Variants in PPP6R2 observed in about 807,000 individuals in gnomAD.
PPP6R2 encodes serine/threonine-protein phosphatase 6 regulatory subunit 2.
In PPP6R2, 62 loss-of-function variants were observed where a neutral mutation model predicts 100.2. That is an observed-to-expected ratio of 0.62 (90% confidence interval 0.50 to 0.76). The LOEUF (loss-of-function observed/expected upper bound fraction) is 0.76, where lower values mean the gene tolerates loss of function less well. PPP6R2 is among the 30% of genes least tolerant of loss of function. PPP6R2 has a pLI of 0.00. For synonymous variants in PPP6R2, 525 were observed against 514.7 expected (o/e 1.02, Z -0.27); for missense variants, 1,142 against 1,276.3 (o/e 0.89, Z 1.60).
At chr22:50,336,027 C>T in the PPP6R2 span, among the ~76,000 whole-genome samples, 1 of 151,578 alleles carries the variant, frequency 6.6e-6, no homozygotes, top group Non-Finnish European at 1.5e-5. Flanking sequence ...CTCTATCGTC[C>T]AGGCTGGAGT....
intron 6 of PPP6R2, 40 bp from the exon 7 acceptor site, chr22:50,418,827 C>T: frequency 2.6e-6 from 4 of 1,520,372 alleles, no homozygotes; most frequent in Non-Finnish European, 3.7e-6. Context: ...GCTGTTTCTT[C>T]TCCACACTGA....
At chr22:50,427,537 G>A (rs973998795) in intron 10 of PPP6R2, among the ~76,000 whole-genome samples, 1 of 152,110 alleles carries the variant, frequency 6.6e-6, no homozygotes, top group Non-Finnish European at 1.5e-5. Context: ...ACACAGATGT[G>A]TTCCTATGTA....
intron 2 of PPP6R2, among the ~76,000 whole-genome samples, chr22:50,372,509 A>C (rs1196891870): frequency 6.6e-6 from 1 of 151,710 alleles, no homozygotes; most frequent in Non-Finnish European, 1.5e-5. Context: ...AGATCGTGTC[A>C]CTGTACTCCA....
rs530976079 is a variant in PPP6R2, at chr22:50,433,167, G to A, written c.1400+838G>A. 3.3e-4 allele frequency among the ~76,000 whole-genome samples: 50 copies of A among 151,786 alleles called. 1 individual carries two copies. Among genetic ancestry groups the A allele is most frequent in the African/African-American group, 1.1e-3 (45 of 41,258 alleles). ...ACAGAAGTGTCCTGGAGGAGGGCAG[G>A]GGGCGCGGACACTGGGCAGGGGCCG... is the stretch of plus-strand genomic sequence containing the variant. On this transcript the variant is annotated intron_variant, in intron 12 of 23. Coordinates refer to ENST00000612753, the MANE Select transcript of PPP6R2 (RefSeq NM_001242898.2).
chr22:50,393,170 G>C (rs1465544348), intron 2 of PPP6R2, among the ~76,000 whole-genome samples: 1 of 152,196 alleles, frequency 6.6e-6, no homozygotes, highest in Non-Finnish European at 1.5e-5. Flanking sequence ...GGAGGGGCTG[G>C]ATCAGTGGTG....
chr22:50,393,366 TGCTGAG>T (rs1258276590), intron 2 of PPP6R2: 1 of 984,276 alleles, frequency 1.0e-6, no homozygotes, highest in East Asian at 1.1e-4. Context: ...GATTTTGACT[TGCTGAG>T]TTTGCTCACA....
chr22:50,342,057 G>A (rs575211180), upstream of PPP6R2, among the ~76,000 whole-genome samples: 1 of 152,048 alleles, frequency 6.6e-6, no homozygotes, highest in Non-Finnish European at 1.5e-5. Context: ...AGCACAGGAG[G>A]GGTATCAAGA....
In PPP6R2 at chr22:50,414,536, G is replaced by A. The variant is rs776629678; in HGVS notation, c.415-16G>A. The A allele has an allele frequency of 9.9e-6, 16 of 1,613,550 alleles. No individual in the cohort carries two copies. The South Asian group carries it at 1.4e-4, about 14-fold the overall frequency. On this transcript the variant is annotated splice_polypyrimidine_tract_variant and intron_variant, in intron 4 of 23. Transcript: ENST00000612753. ...AGGGTCGGCCCCGCCTGCCTCTCAG[G>A]TGTGTGTGATTTCAGGTGATTACGT...
At chr22:50,415,863 C>T (rs1205782434) in intron 5 of PPP6R2, among the ~76,000 whole-genome samples, 1 of 152,220 alleles carries the variant, frequency 6.6e-6, no homozygotes, top group Non-Finnish European at 1.5e-5. Flanking sequence ...ACATACGCAC[C>T]ATTAGGACAG....
intron 15 of PPP6R2, 26 bp from the exon 16 acceptor site, chr22:50,437,480 T>TA: frequency 1.4e-6 from 1 of 728,390 alleles, no homozygotes; most frequent in Admixed American, 1.9e-5. Flanking sequence ...TGTCTGTCCG[T>TA]CCCTCCCTCC....
chr22:50,405,808 A>G (rs1360768321), intron 3 of PPP6R2, among the ~76,000 whole-genome samples: 294 of 97,616 alleles, frequency 3.0e-3, no homozygotes, highest in African/African-American at 0.011. Flanking sequence ...AGGCCTGGAG[A>G]GAGGCGAGAG....
chr22:50,355,046 T>C (rs1390596419), intron 1 of PPP6R2, among the ~76,000 whole-genome samples: 1 of 151,624 alleles, frequency 6.6e-6, no homozygotes, highest in African/African-American at 2.4e-5. Flanking sequence ...CCTTGCTCTA[T>C]TGCCCAGGCT....
intron 9 of PPP6R2, 146 bp downstream of exon 9, chr22:50,422,526 G>A (rs2061474690): frequency 8.8e-7 from 1 of 1,135,504 alleles, no homozygotes; most frequent in Non-Finnish European, 1.2e-6. Flanking sequence ...ACCCCCACTT[G>A]AGAAGCACCG....
chr22:50,432,572 G>A (rs1163732982), intron 12 of PPP6R2, among the ~76,000 whole-genome samples: 2 of 152,202 alleles, frequency 1.3e-5, no homozygotes, highest in Non-Finnish European at 2.9e-5. Context: ...GTCCCCACCA[G>A]GCACCTGCTC....
At chr22:50,436,510 C>T (rs1183094199) in intron 14 of PPP6R2, 58 bp downstream of exon 14, 15 of 1,510,394 alleles carry the variant, frequency 9.9e-6, no homozygotes, top group African/African-American at 5.5e-5. Flanking sequence ...CGCCGTCAGA[C>T]GCTCCTGCCT....
At chr22:50,393,396 C>T in intron 2 of PPP6R2, 1 of 985,318 alleles carries the variant, frequency 1.0e-6, no homozygotes, top group Non-Finnish European at 1.2e-6. Flanking sequence ...GTGAGACTTT[C>T]AGAGGGGAGA....
At chr22:50,414,403 G>T in intron 4 of PPP6R2, 149 bp from the exon 5 acceptor site, 1 of 667,554 alleles carries the variant, frequency 1.5e-6, no homozygotes. Context: ...TGTCCCTTGA[G>T]GGGGCTTTCT....
intron 8 of PPP6R2, among the ~76,000 whole-genome samples, chr22:50,420,006 G>A (rs982631934): frequency 1.3e-5 from 2 of 152,008 alleles, no homozygotes; most frequent in Non-Finnish European, 2.9e-5. Context: ...CATTCATCAG[G>A]TGTCATTTCT....
intron 4 of PPP6R2, among the ~76,000 whole-genome samples, chr22:50,409,043 G>A (rs1036787150): frequency 6.6e-6 from 1 of 152,222 alleles, no homozygotes; most frequent in African/African-American, 2.4e-5. Context: ...GAACCCAGGA[G>A]GCAGAGGTTG....
Sources: allele counts gnomAD v4.1 joint callset (sites outside exome capture counted in the v4.1 genomes callset), GRCh38; gene constraint gnomAD v4.1.1; transcripts MANE v1.5; gene names NCBI Gene and HGNC (gene_info 2026-07-23, HGNC 2026-07-21).